Variants in HS3ST2 observed in about 807,000 individuals in gnomAD.
The protein encoded by HS3ST2 is heparan sulfate-glucosamine 3-sulfotransferase 2.
HS3ST2 carries 17 observed loss-of-function variants against 26.3 expected under a neutral mutation model. The observed-to-expected ratio is 0.65, with a 90% confidence interval of 0.44 to 0.97. HS3ST2 has a LOEUF of 0.97. HS3ST2 is among the 50% of genes least tolerant of loss of function. The pLI, the probability that HS3ST2 is intolerant of heterozygous loss-of-function variation, is 0.00. For synonymous variants in HS3ST2, 237 were observed against 219.2 expected, an observed-to-expected ratio of 1.08 and a Z score of -0.72; for missense variants, 402 against 501.2, an observed-to-expected ratio of 0.80 and a Z score of 1.89.
At chr16:22,815,403 C>G (rs544512079) in intron 1 of HS3ST2, among the ~76,000 whole-genome samples, 27 of 152,288 alleles carry the variant, frequency 1.8e-4, no homozygotes, top group African/African-American at 6.0e-4. Context: ...TTAGGGTGCC[C>G]AAGGAAGGGA....
intron 1 of HS3ST2, among the ~76,000 whole-genome samples, chr16:22,867,830 G>A (rs1403718127): frequency 6.6e-6 from 1 of 152,114 alleles, no homozygotes; most frequent in South Asian, 2.1e-4. Context: ...GGAAATAAAG[G>A]GTATATGCCT....
At chr16:22,894,297 G>T (rs1486038595) in intron 1 of HS3ST2, among the ~76,000 whole-genome samples, 3 of 152,126 alleles carry the variant, frequency 2.0e-5, no homozygotes, top group African/African-American at 7.2e-5. Flanking sequence ...GACCCTGGGG[G>T]CTCCCTGGTT....
intron 1 of HS3ST2, among the ~76,000 whole-genome samples, chr16:22,819,291 C>A (rs1161240709): frequency 6.6e-6 from 1 of 151,794 alleles, no homozygotes; most frequent in Non-Finnish European, 1.5e-5. Context: ...GGCAATGATG[C>A]CTGAACTGCT....
At chr16:22,876,139 C>A (rs1901912804) in intron 1 of HS3ST2, among the ~76,000 whole-genome samples, 1 of 152,064 alleles carries the variant, frequency 6.6e-6, no homozygotes, top group African/African-American at 2.4e-5. Flanking sequence ...AGTTCAAAAC[C>A]AGTCGAGTCA....
chr16:22,865,505 G>A (rs1416493070), intron 1 of HS3ST2, among the ~76,000 whole-genome samples: 12 of 150,010 alleles, frequency 8.0e-5, no homozygotes, highest in Admixed American at 7.9e-4. Flanking sequence ...GCAGTGAGCC[G>A]AGATCTCACC....
intron 1 of HS3ST2, among the ~76,000 whole-genome samples, chr16:22,872,730 A>T (rs1901854824): frequency 6.6e-6 from 1 of 152,196 alleles, no homozygotes; most frequent in Non-Finnish European, 1.5e-5. Flanking sequence ...GGGAGAGAGC[A>T]GTCCTGGACC....
chr16:22,900,707 A>C (rs1488683260), intron 1 of HS3ST2, among the ~76,000 whole-genome samples: 1 of 152,126 alleles, frequency 6.6e-6, no homozygotes. Context: ...GTGTTCCCAA[A>C]GGAAGAAAAA....
intron 1 of HS3ST2, among the ~76,000 whole-genome samples, chr16:22,816,392 A>G (rs150345): frequency 0.1 from 15,193 of 152,266 alleles, 859 homozygotes; most frequent in South Asian, 0.14. Context: ...CTTATAATAG[A>G]GGGCCCTGGA....
chr16:22,905,574 T>C (rs1019286935), intron 1 of HS3ST2, among the ~76,000 whole-genome samples: 1 of 152,178 alleles, frequency 6.6e-6, no homozygotes, highest in Non-Finnish European at 1.5e-5. Context: ...TGTTCCAAGA[T>C]TAAAGCCTTG....
In HS3ST2 at chr16:22,837,538, GATATATGTAT is replaced by G. The variant is rs549613937; in HGVS notation, c.485+22460_485+22469del. On this transcript the variant is annotated intron_variant, in intron 1 of 1. Coordinates refer to ENST00000261374, the MANE Select transcript of HS3ST2 (RefSeq NM_006043.2). ...ATATATATACACATATATATACACA[GATATATGTAT>G]ATATATGTATATATATACATATATA... is the stretch of plus-strand genomic sequence containing the variant. Among the ~76,000 whole-genome samples, 586 of 141,614 alleles carry G rather than the reference GATATATGTAT, an allele frequency of 4.1e-3. 7 individuals carry two copies. Among genetic ancestry groups the G allele is most frequent in the African/African-American group, 0.014 (526 of 38,168 alleles). 92.9% of individuals were successfully genotyped at this position (141,614 alleles called of 152,430 possible). A position where few individuals can be genotyped will look rare whatever the true frequency, so the allele number is the denominator to read the frequency against.
At chr16:22,894,539 C>T (rs1902179023) in intron 1 of HS3ST2, among the ~76,000 whole-genome samples, 1 of 152,126 alleles carries the variant, frequency 6.6e-6, no homozygotes, top group African/African-American at 2.4e-5. Context: ...CTTAGTGACA[C>T]CTCCTCTCCC....
rs190681532 is a variant in HS3ST2 at position 22,846,146 on chromosome 16, G to A, written c.485+31051G>A. Among the ~76,000 whole-genome samples the A allele has an allele frequency of 3.9e-5, 6 of 152,182 alleles. No individual in the cohort carries two copies. The East Asian group carries it at 9.7e-4, about 24-fold the overall frequency. ...TACAAAATTAGCCAGGCATGGTGGC[G>A]AGTGCCTGTAGTCCCAGCTACTTGG... On this transcript the variant is annotated intron_variant, in intron 1 of 1. Transcript: ENST00000261374.
intron 1 of HS3ST2, among the ~76,000 whole-genome samples, chr16:22,879,242 T>A (rs2238487): frequency 0.13 from 19,325 of 152,164 alleles, 1,781 homozygotes; most frequent in East Asian, 0.33. Context: ...AAATAACCAG[T>A]CTCACTGATT....
chr16:22,907,112 A>G (rs763174099), intron 1 of HS3ST2, among the ~76,000 whole-genome samples: 3 of 152,204 alleles, frequency 2.0e-5, no homozygotes, highest in Non-Finnish European at 4.4e-5. Context: ...AGAGACAAGT[A>G]AGATGGATCA....
At chr16:22,846,668 T>C (rs1313286182) in intron 1 of HS3ST2, among the ~76,000 whole-genome samples, 1 of 152,202 alleles carries the variant, frequency 6.6e-6, no homozygotes, top group Non-Finnish European at 1.5e-5. Flanking sequence ...AACTACCATG[T>C]ACTGTTGATG....
intron 1 of HS3ST2, among the ~76,000 whole-genome samples, chr16:22,908,325 C>T (rs1000628224): frequency 5.3e-5 from 8 of 152,020 alleles, no homozygotes; most frequent in Admixed American, 2.6e-4. Context: ...GTGGTGGACT[C>T]GGGAGATACA....
Position 22,915,250 on chromosome 16 carries a change from C to T in HS3ST2, c.792C>T (p.Phe264=), listed in dbSNP as rs2141751918. ...VLHLESWLQY[F]PLAQIHFVSG... ...ACCTGGAGAGCTGGCTGCAGTACTT[C>T]CCGCTAGCTCAGATTCACTTCGTCA... Residue 264 remains phenylalanine, a synonymous_variant, in exon 2 of 2, where the codon TTC becomes TTT. Transcript: ENST00000261374. 7 of 1,614,142 alleles carry T rather than the reference C, an allele frequency of 4.3e-6. No homozygotes were observed. Among genetic ancestry groups the T allele is most frequent in the Non-Finnish European group, 5.1e-6 (6 of 1,180,030 alleles).
chr16:22,889,542 C>T (rs1220433387), intron 1 of HS3ST2, among the ~76,000 whole-genome samples: 4 of 152,110 alleles, frequency 2.6e-5, no homozygotes, highest in Non-Finnish European at 4.4e-5. Context: ...TTTTCAGATT[C>T]GGGATGCTCA....
chr16:22,877,208 C>A (rs1298359517), intron 1 of HS3ST2, among the ~76,000 whole-genome samples: 1 of 152,170 alleles, frequency 6.6e-6, no homozygotes, highest in East Asian at 1.9e-4. Context: ...CAAGAGCCTG[C>A]TGGGTTAGAC....
Sources: allele counts gnomAD v4.1 joint callset (sites outside exome capture counted in the v4.1 genomes callset), GRCh38; gene constraint gnomAD v4.1.1; transcripts MANE v1.5; gene names NCBI Gene and HGNC (gene_info 2026-07-23, HGNC 2026-07-21).